The following AR variants were observed in gnomAD, a reference collection of about 807,000 sequenced individuals.
AR encodes the protein dihydrotestosterone receptor.
A neutral mutation model predicts 53.9 loss-of-function variants in AR; 8 were observed. The ratio of observed to expected loss-of-function variants is 0.15; its 90% CI spans 0.09 to 0.27. AR has a LOEUF of 0.27. Ranked by LOEUF, AR falls within the 10% of genes least tolerant of loss-of-function variation. AR has a pLI of 1.00. For missense variants in AR, 639 were observed against 742.5 expected (o/e 0.86, Z 1.62); for synonymous variants, 359 against 316.4 (o/e 1.13, Z -1.43).
intron 1 of AR, among the ~76,000 whole-genome samples, chrX:67,635,329 C>A (rs1925376997): frequency 9.0e-6 from 1 of 111,201 alleles, no homozygotes; most frequent in Non-Finnish European, 1.9e-5. Context: ...AATTATTTCA[C>A]CCAAAGTTCA....
chrX:67,712,811 G>T (rs1196122648), intron 4 of AR, among the ~76,000 whole-genome samples: 2 of 112,324 alleles, frequency 1.8e-5, no homozygotes, highest in Admixed American at 1.9e-4. Context: ...TTCTCTTGTG[G>T]AGTCAAAGAT....
At chrX:67,652,311 A>G (rs1831962510) in intron 2 of AR, among the ~76,000 whole-genome samples, 1 of 111,824 alleles carries the variant, frequency 8.9e-6, no homozygotes, top group Non-Finnish European at 1.9e-5. Context: ...ACTTCTAACA[A>G]TTCCTTAAGT....
At chrX:67,676,106 ATTATT>A (rs1415078402) in intron 2 of AR, among the ~76,000 whole-genome samples, 1 of 112,258 alleles carries the variant, frequency 8.9e-6, no homozygotes, top group African/African-American at 3.2e-5. Flanking sequence ...TCACATGAGT[ATTATT>A]TTCTAGTTTC....
chrX:67,623,101 T>C (rs1304450252), intron 1 of AR, among the ~76,000 whole-genome samples: 1 of 111,342 alleles, frequency 9.0e-6, no homozygotes, highest in Non-Finnish European at 1.9e-5. Flanking sequence ...GGGATAATTT[T>C]TGTGTCACAT....
At chrX:67,551,846 A>C (rs1025023725) in intron 1 of AR, among the ~76,000 whole-genome samples, 5 of 111,132 alleles carry the variant, frequency 4.5e-5, no homozygotes, top group Non-Finnish European at 7.5e-5. Context: ...TTGCTTGCAC[A>C]CTCATGGGTG....
At chrX:67,713,951 CTACAAG>C (rs886720596) in intron 4 of AR, among the ~76,000 whole-genome samples, 2 of 112,337 alleles carry the variant, frequency 1.8e-5, no homozygotes, top group Non-Finnish European at 3.7e-5. Context: ...CTATAATTAC[CTACAAG>C]TACAAGTAAT....
chrX:67,618,875 A>G (rs1041106562), intron 1 of AR, among the ~76,000 whole-genome samples: 3 of 111,657 alleles, frequency 2.7e-5, no homozygotes, highest in Non-Finnish European at 3.8e-5. Flanking sequence ...GAATTGCAAC[A>G]GGGTGGTACT....
intron 2 of AR, among the ~76,000 whole-genome samples, chrX:67,656,821 G>T (rs895511279): frequency 1.8e-5 from 2 of 109,852 alleles, no homozygotes; most frequent in South Asian, 8.0e-4. Context: ...ACACAGTGGG[G>T]CAGGTATATT....
In AR at chrX:67,725,357, T is replaced by C. The variant is rs1024092034; in HGVS notation, c.*1516T>C. 13 of 174,137 alleles carry C rather than the reference T, an allele frequency of 7.5e-5. No individual in the cohort carries two copies. The highest frequency in any genetic ancestry group is 1.3e-4 in the Non-Finnish European group (12 of 91,462). 14.4% of individuals were successfully genotyped at this position (174,137 alleles called of 1,213,427 possible). On this transcript the variant is annotated 3_prime_UTR_variant, in exon 8 of 8. Coordinates refer to ENST00000374690, the MANE Select transcript of AR (RefSeq NM_000044.6). ...TCAGGCAAGCTGGGCGTCTTGCCCTTGTCCCCCAGAGATGATACCCTCCCA... is the reference window on the plus strand; with the variant it reads ...TCAGGCAAGCTGGGCGTCTTGCCCTCGTCCCCCAGAGATGATACCCTCCCA...
At chrX:67,562,044 A>G (rs1460438710) in intron 1 of AR, among the ~76,000 whole-genome samples, 1 of 98,880 alleles carries the variant, frequency 1.0e-5, no homozygotes, top group Non-Finnish European at 2.0e-5. Context: ...GGTTCAAGTG[A>G]TTCTCCTGCC....
chrX:67,723,349 T>A (rs1398566530), intron 7 of AR, among the ~76,000 whole-genome samples: 29 of 101,514 alleles, frequency 2.9e-4, no homozygotes, highest in African/African-American at 1.0e-3. Context: ...TGTGTGTGTG[T>A]GTGTCAGAGA....
In AR at chrX:67,725,003, C is replaced by T; in HGVS notation, c.*1162C>T. On this transcript the variant is annotated 3_prime_UTR_variant, in exon 8 of 8. Coordinates refer to ENST00000374690, the MANE Select transcript of AR (RefSeq NM_000044.6). ...TTAGGACACTGACTGAATAGTTAAACTCTCACTGCCACTACCTTTTCCCCA... is the reference window on the plus strand; with the variant it reads ...TTAGGACACTGACTGAATAGTTAAATTCTCACTGCCACTACCTTTTCCCCA... 1 of 175,614 alleles carries T rather than the reference C, an allele frequency of 5.7e-6. No individual in the cohort carries two copies. The highest frequency in any genetic ancestry group is 2.9e-5 in the African/African-American group (1 of 34,444). The allele number at this position is 175,614 out of a possible 1,213,427, so 14.5% of individuals were successfully genotyped here.
intron 3 of AR, among the ~76,000 whole-genome samples, chrX:67,697,730 T>G (rs1297696843): frequency 9.0e-6 from 1 of 111,656 alleles, no homozygotes; most frequent in African/African-American, 3.3e-5. Context: ...CACCATTATA[T>G]AGATGAGAAA....
intron 2 of AR, among the ~76,000 whole-genome samples, chrX:67,665,764 A>G: frequency 8.9e-6 from 1 of 112,028 alleles, no homozygotes; most frequent in Non-Finnish European, 1.9e-5. Flanking sequence ...ACAGAATATG[A>G]TCAGTATGTT....
chrX:67,706,248 A>G (rs188827077), intron 3 of AR, among the ~76,000 whole-genome samples: 2 of 111,849 alleles, frequency 1.8e-5, no homozygotes, highest in Admixed American at 1.9e-4. Flanking sequence ...TACCTCTGGT[A>G]GAATTCAGCT....
chrX:67,692,549 G>A (rs187627005), intron 3 of AR, among the ~76,000 whole-genome samples: 33 of 112,286 alleles, frequency 2.9e-4, no homozygotes, highest in African/African-American at 1.0e-3. Context: ...CAGATACAGA[G>A]AGGCCTTGTT....
At chrX:67,566,745 C>T (rs1921573895) in intron 1 of AR, among the ~76,000 whole-genome samples, 1 of 111,131 alleles carries the variant, frequency 9.0e-6, no homozygotes, top group Admixed American at 9.6e-5. Flanking sequence ...ATCATCATTC[C>T]ACTTGCTTTG....
chrX:67,701,873 A>T (rs2076044013), intron 3 of AR, among the ~76,000 whole-genome samples: 1 of 112,144 alleles, frequency 8.9e-6, no homozygotes, highest in African/African-American at 3.2e-5. Flanking sequence ...AGATGACTGG[A>T]GTATTCTCAT....
At chrX:67,636,005 C>A (rs1925413281) in intron 1 of AR, among the ~76,000 whole-genome samples, 1 of 110,849 alleles carries the variant, frequency 9.0e-6, no homozygotes, top group Non-Finnish European at 1.9e-5. Flanking sequence ...TTAGTAATAT[C>A]AAAGAATACA....
Sources: gnomAD v4.1 joint callset for allele counts (sites outside exome capture counted in the v4.1 genomes callset) on GRCh38, gnomAD v4.1.1 for gene constraint, MANE v1.5 for transcripts, NCBI Gene and HGNC (gene_info 2026-07-23, HGNC 2026-07-21) for gene names.